The following KIAA1217 variants were observed in gnomAD, a reference collection of about 807,000 sequenced individuals.
The protein encoded by KIAA1217 is sickle tail protein homolog.
KIAA1217 carries 88 observed loss-of-function variants against 163.9 expected under a neutral mutation model. The observed-to-expected ratio is 0.54, with a 90% CI of 0.45 to 0.64. The LOEUF (loss-of-function observed/expected upper bound fraction) is 0.64. Among genes scored for constraint, KIAA1217 ranks in the 30% least tolerant of loss-of-function variants. The pLI is 0.00. For synonymous variants in KIAA1217, 903 were observed against 923.1 expected, an observed-to-expected ratio of 0.98 and a Z score of 0.39; for missense variants, 2,372 against 2,475.0, an observed-to-expected ratio of 0.96 and a Z score of 0.88.
intron 1 of KIAA1217, among the ~76,000 whole-genome samples, chr10:23,704,138 GTGTGTGTA>G (rs1239298908): frequency 2.3e-5 from 2 of 86,812 alleles, no homozygotes; most frequent in African/African-American, 1.6e-4. Context: ...GCATGTATGT[GTGTGTGTA>G]TGTGTGTGTG....
At chr10:24,449,589 G>A (rs2061234544) in intron 5 of KIAA1217, 3 of 985,272 alleles carry the variant, frequency 3.0e-6, no homozygotes, top group South Asian at 9.4e-5. Context: ...AGTGGATACT[G>A]CTCCTTTAAA....
At chr10:24,364,648 C>T (rs150543678) in intron 2 of KIAA1217, among the ~76,000 whole-genome samples, 223 of 152,224 alleles carry the variant, frequency 1.5e-3, no homozygotes, top group African/African-American at 5.1e-3. Flanking sequence ...TCTAGGTTTC[C>T]GTGACCTTAG....
intron 1 of KIAA1217, among the ~76,000 whole-genome samples, chr10:23,755,168 C>T (rs1382765348): frequency 2.0e-5 from 3 of 152,152 alleles, no homozygotes; most frequent in Non-Finnish European, 4.4e-5. Flanking sequence ...CAGATTCTTT[C>T]CTGAGCTGGA....
chr10:23,734,890 A>G lies in KIAA1217; in HGVS notation c.-321+39656A>G, dbSNP rs866881838. Among the ~76,000 whole-genome samples the G allele has an allele frequency of 5.3e-5, 8 of 152,138 alleles. 1 individual carries two copies. The South Asian group carries it at 1.5e-3, about 28-fold the overall frequency. On this transcript the variant is annotated intron_variant, in intron 1 of 18. Transcript: ENST00000376462. ...TGTGTCATGGGTGTTTGTTGTACAGATTATTTCATCACCCAGGTATTAAGT... is the reference window on the plus strand; with the variant it reads ...TGTGTCATGGGTGTTTGTTGTACAGGTTATTTCATCACCCAGGTATTAAGT...
chr10:23,809,131 A>G (rs1836869903), intron 1 of KIAA1217, among the ~76,000 whole-genome samples: 1 of 152,160 alleles, frequency 6.6e-6, no homozygotes, highest in Admixed American at 6.6e-5. Flanking sequence ...CTGAATTCAC[A>G]GTTCAAACGT....
chr10:24,269,001 T>C (rs2076511195), intron 2 of KIAA1217, among the ~76,000 whole-genome samples: 1 of 136,306 alleles, frequency 7.3e-6, no homozygotes, highest in Non-Finnish European at 1.5e-5. Flanking sequence ...TAGGTGGGAA[T>C]TGAACAATGA....
chr10:24,538,007 T>G (rs2074286188), intron 17 of KIAA1217, among the ~76,000 whole-genome samples: 1 of 152,220 alleles, frequency 6.6e-6, no homozygotes, highest in Non-Finnish European at 1.5e-5. Context: ...GCCTAACATT[T>G]TTCTCCAGGG....
At chr10:24,224,314 A>G (rs1321343315) in intron 2 of KIAA1217, among the ~76,000 whole-genome samples, 1 of 152,042 alleles carries the variant, frequency 6.6e-6, no homozygotes, top group Non-Finnish European at 1.5e-5. Flanking sequence ...ATTTGGGCTA[A>G]TAGCTTAATC....
chr10:24,520,669 T>G (rs1242398385), intron 11 of KIAA1217, among the ~76,000 whole-genome samples: 1 of 57,550 alleles, frequency 1.7e-5, no homozygotes, highest in Non-Finnish European at 3.3e-5. Context: ...TATATATATA[T>G]ATATATACAC....
chr10:23,965,254 CG>C (rs1845010604), intron 1 of KIAA1217, among the ~76,000 whole-genome samples: 1 of 152,204 alleles, frequency 6.6e-6, no homozygotes, highest in Non-Finnish European at 1.5e-5. Context: ...ATGCTGCATC[CG>C]GAGGGCCTCT....
At chr10:23,791,071 A>C (rs893435095) in intron 1 of KIAA1217, among the ~76,000 whole-genome samples, 3 of 152,112 alleles carry the variant, frequency 2.0e-5, no homozygotes, top group Non-Finnish European at 2.9e-5. Flanking sequence ...GGTTTTCCCC[A>C]TTGTATTACC....
intron 1 of KIAA1217, among the ~76,000 whole-genome samples, chr10:23,700,464 C>T (rs1836367719): frequency 6.6e-6 from 1 of 151,984 alleles, no homozygotes; most frequent in Admixed American, 6.6e-5. Flanking sequence ...TGTGACTCCT[C>T]TGCTTAAATT....
chr10:24,523,142 A>T (rs996945244), intron 12 of KIAA1217, among the ~76,000 whole-genome samples: 3 of 151,624 alleles, frequency 2.0e-5, no homozygotes, highest in African/African-American at 4.9e-5. Flanking sequence ...ACAGAGCAAG[A>T]CCCCATCTCT....
At chr10:23,987,590 C>G (rs1468085087) in intron 1 of KIAA1217, among the ~76,000 whole-genome samples, 1 of 146,378 alleles carries the variant, frequency 6.8e-6, no homozygotes, top group Non-Finnish European at 1.5e-5. Context: ...TATTCATTAC[C>G]TCACATTCTT....
intron 1 of KIAA1217, among the ~76,000 whole-genome samples, chr10:23,956,209 A>G (rs1292934209): frequency 6.6e-6 from 1 of 152,184 alleles, no homozygotes; most frequent in Non-Finnish European, 1.5e-5. Context: ...GAATTTAAAA[A>G]GTAAAAGTCA....
chr10:24,393,097 C>T (rs114090865), intron 3 of KIAA1217, among the ~76,000 whole-genome samples: 498 of 152,214 alleles, frequency 3.3e-3, no homozygotes, highest in African/African-American at 0.011. Context: ...AAAATTAAGA[C>T]GCAAGCCAGT....
At chr10:24,220,288 A>G (rs1458453825) in intron 2 of KIAA1217, among the ~76,000 whole-genome samples, 1 of 152,210 alleles carries the variant, frequency 6.6e-6, no homozygotes, top group East Asian at 1.9e-4. Context: ...GTACCCTGAA[A>G]GCACGGAGTG....
intron 2 of KIAA1217, among the ~76,000 whole-genome samples, chr10:24,287,655 A>G (rs1295446707): frequency 6.6e-6 from 1 of 152,208 alleles, no homozygotes; most frequent in Non-Finnish European, 1.5e-5. Flanking sequence ...AAATTAGTTA[A>G]TAAGATTTTT....
chr10:24,318,201 A>G (rs1287987729), intron 2 of KIAA1217, among the ~76,000 whole-genome samples: 1 of 152,174 alleles, frequency 6.6e-6, no homozygotes, highest in Non-Finnish European at 1.5e-5. Context: ...GTAGGTAGGT[A>G]GATGATAGAT....
Sources: gnomAD v4.1 joint callset for allele counts (sites outside exome capture counted in the v4.1 genomes callset) on GRCh38, gnomAD v4.1.1 for gene constraint, MANE v1.5 for transcripts, NCBI Gene and HGNC (gene_info 2026-07-23, HGNC 2026-07-21) for gene names.